Variants in OXR1 observed in about 807,000 individuals in gnomAD.
OXR1 encodes the protein oxidation resistance protein 1.
A neutral mutation model predicts 104.6 loss-of-function variants in OXR1; 41 were observed. That is an observed-to-expected ratio of 0.39 (90% CI 0.31 to 0.51). OXR1 has a LOEUF of 0.51. Ranked by LOEUF, OXR1 falls within the 20% of genes least tolerant of loss-of-function variation. The pLI is 0.77. For synonymous variants in OXR1, 348 were observed against 348.4 expected, an observed-to-expected ratio of 1.00 and a Z score of 0.01; for missense variants, 955 against 1,031.9, an observed-to-expected ratio of 0.93 and a Z score of 1.02.
At chr8:106,553,459 C>T (rs1816030232) in intron 3 of OXR1, among the ~76,000 whole-genome samples, 1 of 151,778 alleles carries the variant, frequency 6.6e-6, no homozygotes, top group Non-Finnish European at 1.5e-5. Context: ...GGTGGGACTA[C>T]AGGTGTGTGC....
At chr8:106,628,868 A>T (rs1050558861) in intron 3 of OXR1, among the ~76,000 whole-genome samples, 1 of 152,160 alleles carries the variant, frequency 6.6e-6, no homozygotes, top group Non-Finnish European at 1.5e-5. Flanking sequence ...TATCTGTTGA[A>T]CAACTGAAGG....
chr8:106,664,396 A>T (rs938643003), intron 3 of OXR1, among the ~76,000 whole-genome samples: 13 of 152,266 alleles, frequency 8.5e-5, no homozygotes, highest in African/African-American at 3.1e-4. Flanking sequence ...AGTAATGCTG[A>T]TGCTGCTGGT....
At chr8:106,742,995 A>G (rs1835048983) in intron 15 of OXR1, among the ~76,000 whole-genome samples, 1 of 152,240 alleles carries the variant, frequency 6.6e-6, no homozygotes, top group Non-Finnish European at 1.5e-5. Flanking sequence ...CTATCATCAG[A>G]GTGAACAGAC....
In OXR1 at chr8:106,730,763, G is replaced by A. The variant is rs145863603; in HGVS notation, c.1957-6757G>A. ...AAGTAACATGATTACTGTATCCTAT[G>A]TTAAGGGTGTGTTTGCTAGGCCAGT... On this transcript the variant is annotated intron_variant, in intron 11 of 16. Transcript: ENST00000517566. Among the ~76,000 whole-genome samples, 355 of 152,052 alleles carry A rather than the reference G, an allele frequency of 2.3e-3. 3 individuals carry two copies. Among genetic ancestry groups the A allele is most frequent in the African/African-American group, 8.1e-3 (335 of 41,500 alleles).
chr8:106,527,403 A>G (rs1280382146), intron 3 of OXR1, among the ~76,000 whole-genome samples: 2 of 152,178 alleles, frequency 1.3e-5, no homozygotes, highest in African/African-American at 4.8e-5. Context: ...ACTTCCACAA[A>G]ATAAGGTTGT....
chr8:106,420,691 C>T (rs1466565961), intron 2 of OXR1, among the ~76,000 whole-genome samples: 1 of 151,196 alleles, frequency 6.6e-6, no homozygotes, highest in Admixed American at 6.6e-5. Flanking sequence ...GGAATGTTCT[C>T]AAGTCAAAGA....
At chr8:106,298,593 G>A (rs757824332) in intron 1 of OXR1, among the ~76,000 whole-genome samples, 7 of 152,218 alleles carry the variant, frequency 4.6e-5, no homozygotes, top group South Asian at 2.1e-4. Context: ...TTATGAAAGC[G>A]AGTGGGATGG....
intron 2 of OXR1, among the ~76,000 whole-genome samples, chr8:106,399,625 C>A (rs7827856): frequency 0.28 from 43,009 of 151,978 alleles, 6,218 homozygotes; most frequent in South Asian, 0.38. Flanking sequence ...CTCTTTTGAC[C>A]AGAATAACCC....
intron 1 of OXR1, among the ~76,000 whole-genome samples, chr8:106,302,742 G>A (rs923926892): frequency 6.6e-6 from 1 of 151,870 alleles, no homozygotes; most frequent in Non-Finnish European, 1.5e-5. Context: ...ACCTGTTTGG[G>A]TTTTTTTGTT....
At chr8:106,478,912 G>A (rs1199680562) in intron 2 of OXR1, among the ~76,000 whole-genome samples, 1 of 151,814 alleles carries the variant, frequency 6.6e-6, no homozygotes, top group Admixed American at 6.6e-5. Flanking sequence ...TTGTTATAAA[G>A]TAGGAAATTA....
chr8:106,716,994 T>C (rs1316429216), intron 11 of OXR1, among the ~76,000 whole-genome samples: 1 of 152,104 alleles, frequency 6.6e-6, no homozygotes, highest in African/African-American at 2.4e-5. Context: ...GAGACCAGCC[T>C]GGCCAATATG....
At chr8:106,674,486 G>A (rs1188510696) in intron 3 of OXR1, among the ~76,000 whole-genome samples, 8 of 152,046 alleles carry the variant, frequency 5.3e-5, no homozygotes, top group South Asian at 2.1e-4. Context: ...GCCTTGTCTC[G>A]GGTAAGACTT....
At chr8:106,614,310 A>G (rs1821027749) in intron 3 of OXR1, among the ~76,000 whole-genome samples, 1 of 152,260 alleles carries the variant, frequency 6.6e-6, no homozygotes, top group Non-Finnish European at 1.5e-5. Context: ...CAATAAACCT[A>G]GACATTTAAG....
At chr8:106,422,022 A>G (rs1373103610) in intron 2 of OXR1, among the ~76,000 whole-genome samples, 2 of 152,186 alleles carry the variant, frequency 1.3e-5, no homozygotes, top group Admixed American at 1.3e-4. Context: ...TTAAGTTAAA[A>G]TTTAAAATTG....
rs149806931 is a variant in OXR1, at chr8:106,640,904, T to G, written c.221-38306T>G. ...AGTTCCAAAATCAAACTAGAACATA[T>G]GCATACTATAAAGTAAATTTACTTC... On this transcript the variant is annotated intron_variant, in intron 3 of 16. Coordinates refer to ENST00000517566, the MANE Select transcript of OXR1 (RefSeq NM_001198533.2). 7.1e-4 allele frequency among the ~76,000 whole-genome samples: 108 copies of G among 152,194 alleles called. 1 individual carries two copies. Among genetic ancestry groups the G allele is most frequent in the Admixed American group, 3.3e-4 (5 of 15,276 alleles).
At chr8:106,566,060 A>C (rs1817048618) in intron 3 of OXR1, among the ~76,000 whole-genome samples, 1 of 152,240 alleles carries the variant, frequency 6.6e-6, no homozygotes, top group South Asian at 2.1e-4. Flanking sequence ...GGACATAGGC[A>C]TGGGCAAAGA....
intron 1 of OXR1, among the ~76,000 whole-genome samples, chr8:106,312,006 C>A (rs1586506847): frequency 6.6e-6 from 1 of 151,710 alleles, no homozygotes; most frequent in Admixed American, 6.6e-5. Flanking sequence ...TACACCCCCA[C>A]CCCCCTGCCC....
chr8:106,344,484 C>T (rs772624921), intron 1 of OXR1, among the ~76,000 whole-genome samples: 2 of 152,216 alleles, frequency 1.3e-5, no homozygotes, highest in African/African-American at 4.8e-5. Flanking sequence ...ACTACAGGCG[C>T]GTGCCACCAT....
At position 106,565,914 on chromosome 8, in the gene OXR1, T is replaced by C. The variant is rs556487851; in HGVS notation, c.220+46775T>C. Among the ~76,000 whole-genome samples the C allele has an allele frequency of 8.5e-5, 13 of 152,278 alleles. No individual in the cohort carries two copies. In the South Asian group the frequency reaches 2.7e-3, roughly 32 times the overall value. On this transcript the variant is annotated intron_variant, in intron 3 of 16. Transcript: ENST00000517566. ...AATAAATAATGTTGGGAAAACTGAC[T>C]AACCTTATGCAGAAAACTGAAACTG...
Sources: gnomAD v4.1 joint callset for allele counts (sites outside exome capture counted in the v4.1 genomes callset) on GRCh38, gnomAD v4.1.1 for gene constraint, MANE v1.5 for transcripts, NCBI Gene and HGNC (gene_info 2026-07-23, HGNC 2026-07-21) for gene names.